Variants in PLCH1 observed in about 807,000 individuals in gnomAD.
PLCH1 encodes 1-phosphatidylinositol 4,5-bisphosphate phosphodiesterase eta-1.
PLCH1 carries 60 observed loss-of-function variants against 126.7 expected under a neutral mutation model. The observed-to-expected ratio is 0.47, with a 90% CI of 0.38 to 0.59. PLCH1 has a LOEUF of 0.59. Among genes scored for constraint, PLCH1 ranks in the 20% least tolerant of loss-of-function variants. The pLI, the probability that PLCH1 is intolerant of heterozygous loss-of-function variation, is 0.00. For synonymous variants in PLCH1, 719 were observed against 734.9 expected (o/e 0.98, Z 0.35); for missense variants, 1,723 against 2,040.0 (o/e 0.84, Z 2.99).
chr3:155,564,264 T>A (rs1188583827), intron 8 of PLCH1, among the ~76,000 whole-genome samples: 1 of 152,124 alleles, frequency 6.6e-6, no homozygotes, highest in Non-Finnish European at 1.5e-5. Flanking sequence ...CCATGAAGTA[T>A]CCTAAAAACA....
At chr3:155,604,461 T>A (rs1017293757) in intron 2 of PLCH1, among the ~76,000 whole-genome samples, 4 of 152,228 alleles carry the variant, frequency 2.6e-5, no homozygotes, top group Non-Finnish European at 5.9e-5. Flanking sequence ...GGTTAACAGT[T>A]TGAAAATTGT....
chr3:155,518,672 C>G (rs1720671639), intron 11 of PLCH1, among the ~76,000 whole-genome samples: 1 of 152,170 alleles, frequency 6.6e-6, no homozygotes, highest in Admixed American at 6.5e-5. Context: ...CTCCACGTCT[C>G]TAACCCCCAA....
intron 1 of PLCH1, among the ~76,000 whole-genome samples, chr3:155,718,579 C>T (rs1747698083): frequency 6.6e-6 from 1 of 152,130 alleles, no homozygotes; most frequent in Non-Finnish European, 1.5e-5. Context: ...ACAAGAAACT[C>T]TTACTCATGG....
chr3:155,601,385 C>T (rs966670157), intron 2 of PLCH1, among the ~76,000 whole-genome samples: 17 of 152,008 alleles, frequency 1.1e-4, no homozygotes, highest in Non-Finnish European at 2.2e-4. Context: ...GTCACTAAAT[C>T]CCTCAAGCAG....
chr3:155,545,627 C>A (rs546916789), intron 10 of PLCH1, among the ~76,000 whole-genome samples: 1 of 152,330 alleles, frequency 6.6e-6, no homozygotes, highest in African/African-American at 2.4e-5. Flanking sequence ...AACATCAATG[C>A]AAAAATTCTC....
intron 2 of PLCH1, among the ~76,000 whole-genome samples, chr3:155,693,525 G>A (rs1232623026): frequency 2.0e-5 from 3 of 151,290 alleles, no homozygotes; most frequent in African/African-American, 7.3e-5. Context: ...ACATTATTGA[G>A]ATTATAGACT....
intron 2 of PLCH1, among the ~76,000 whole-genome samples, chr3:155,610,391 C>CAAAAAAA (rs1381881513): frequency 3.3e-4 from 20 of 60,770 alleles, no homozygotes; most frequent in African/African-American, 8.2e-4. Context: ...AAAAAAAAAC[C>CAAAAAAA]ATCACCTAGG....
chr3:155,488,241 A>G (rs1715590827), intron 20 of PLCH1, 134 bp from the exon 21 acceptor site: 2 of 617,486 alleles, frequency 3.2e-6, no homozygotes, highest in Non-Finnish European at 2.9e-6. Context: ...TCTGTTGCCC[A>G]GGCTGGAATG....
At chr3:155,483,077 G>A in intron 22 of PLCH1, 26 bp from the exon 23 acceptor site, 1 of 1,595,886 alleles carries the variant, frequency 6.3e-7, no homozygotes, top group Non-Finnish European at 8.6e-7. Flanking sequence ...AATATTTTAG[G>A]TGACATCTAT....
intron 9 of PLCH1, among the ~76,000 whole-genome samples, chr3:155,551,161 G>A (rs1162245110): frequency 3.9e-5 from 6 of 152,110 alleles, no homozygotes; most frequent in South Asian, 2.1e-4. Context: ...AAATCTATTA[G>A]TGGCAGGGAG....
At chr3:155,636,702 C>A (rs955096473) in intron 2 of PLCH1, among the ~76,000 whole-genome samples, 2 of 151,336 alleles carry the variant, frequency 1.3e-5, no homozygotes, top group Non-Finnish European at 2.9e-5. Context: ...ACCGAGATCA[C>A]GCCATTGCAC....
intron 1 of PLCH1, among the ~76,000 whole-genome samples, chr3:155,719,842 C>T (rs1001608236): frequency 6.6e-6 from 1 of 151,742 alleles, no homozygotes; most frequent in Non-Finnish European, 1.5e-5. Flanking sequence ...CTCACTCTGT[C>T]TGGAGTGCAG....
At chr3:155,631,218 G>A (rs1737983277) in intron 2 of PLCH1, among the ~76,000 whole-genome samples, 4 of 152,084 alleles carry the variant, frequency 2.6e-5, no homozygotes, top group Admixed American at 2.0e-4. Flanking sequence ...GTAGATGCTT[G>A]ACAAATAATA....
intron 11 of PLCH1, among the ~76,000 whole-genome samples, chr3:155,516,005 A>C (rs891911870): frequency 1.3e-5 from 2 of 152,214 alleles, no homozygotes; most frequent in Admixed American, 1.3e-4. Context: ...CCTAAGGAAA[A>C]ATTTCAAAAA....
intron 21 of PLCH1, among the ~76,000 whole-genome samples, chr3:155,458,436 AGGAAGGAAGGAAGGAAGG>A (rs1712537203): frequency 1.1e-5 from 1 of 91,926 alleles, no homozygotes; most frequent in Admixed American, 9.9e-5. Context: ...GAAGGAAGGA[AGGAAGGAAGGAAGGAAGG>A]AAAGAAAGAA....
chr3:155,522,488 C>G (rs1187597721), intron 11 of PLCH1, among the ~76,000 whole-genome samples: 1 of 152,176 alleles, frequency 6.6e-6, no homozygotes, highest in African/African-American at 2.4e-5. Flanking sequence ...TGAATCTTCT[C>G]CATTTGGCCC....
In PLCH1 at chr3:155,588,811, C is replaced by T. The variant is rs73874857; in HGVS notation, c.471-2617G>A. ...TACTTGGCCTTGTGACAGTGGGTTA[C>T]TCATATCACCTCCTGGAGCCTCCAT... On this transcript the variant is annotated intron_variant, in intron 4 of 22. Coordinates refer to ENST00000460012, the MANE Select transcript of PLCH1 (RefSeq NM_014996.4). 6.6e-3 allele frequency among the ~76,000 whole-genome samples: 1,003 copies of T among 152,244 alleles called. 12 individuals are homozygous for T. The highest frequency in any genetic ancestry group is 0.023 in the African/African-American group (950 of 41,538).
chr3:155,656,169 C>CA (rs1310598276), intron 2 of PLCH1, among the ~76,000 whole-genome samples: 2 of 149,944 alleles, frequency 1.3e-5, no homozygotes, highest in Admixed American at 1.3e-4. Context: ...GAAAATTACC[C>CA]CCCCCCAAAT....
intron 2 of PLCH1, among the ~76,000 whole-genome samples, chr3:155,611,877 C>T (rs1395925927): frequency 2.6e-5 from 4 of 152,162 alleles, no homozygotes; most frequent in Admixed American, 1.3e-4. Flanking sequence ...CAAAACTATA[C>T]AAATACATAG....
Sources: allele counts gnomAD v4.1 joint callset (sites outside exome capture counted in the v4.1 genomes callset), GRCh38; gene constraint gnomAD v4.1.1; transcripts MANE v1.5; gene names NCBI Gene and HGNC (gene_info 2026-07-23, HGNC 2026-07-21).